Variants in MAML2 observed in about 807,000 individuals in gnomAD.
MAML2 encodes mastermind like transcriptional coactivator 2.
MAML2 carries 22 observed loss-of-function variants against 96.1 expected under a neutral mutation model. The observed-to-expected ratio is 0.23, with a 90% confidence interval of 0.16 to 0.33. The LOEUF (loss-of-function observed/expected upper bound fraction) is 0.33, where lower values mean the gene tolerates loss of function less well. Ranked by LOEUF, MAML2 falls within the 10% of genes least tolerant of loss-of-function variation. MAML2 has a pLI of 1.00. For missense variants in MAML2, 1,367 were observed against 1,392.4 expected (o/e 0.98, Z 0.29); for synonymous variants, 561 against 521.3 (o/e 1.08, Z -1.04).
At chr11:95,995,585 T>C (rs1275224736) in intron 2 of MAML2, among the ~76,000 whole-genome samples, 3 of 152,142 alleles carry the variant, frequency 2.0e-5, no homozygotes, top group Admixed American at 2.0e-4. Context: ...ACTTTAACTA[T>C]TATTATTTTG....
rs866495570 is a variant in MAML2, at chr11:96,287,999, C to T, written c.513+53384G>A. 5.8e-4 allele frequency among the ~76,000 whole-genome samples: 88 copies of T among 152,138 alleles called. 1 individual carries two copies. Among genetic ancestry groups the T allele is most frequent in the African/African-American group, 1.9e-3 (80 of 41,496 alleles). The stretch of plus-strand genomic sequence containing the variant: ...GCCCTACATAAACTCTGAGAGTAAG[C>T]GAAATGGTATCCTGATACACTTTCA... On this transcript the variant is annotated intron_variant, in intron 1 of 4. Coordinates refer to ENST00000524717, the MANE Select transcript of MAML2 (RefSeq NM_032427.4).
chr11:96,313,269 C>T lies in MAML2; in HGVS notation c.513+28114G>A, dbSNP rs142992366. 2.0e-4 allele frequency among the ~76,000 whole-genome samples: 30 copies of T among 152,248 alleles called. No homozygotes were observed. In the East Asian group the frequency reaches 4.4e-3, roughly 22 times the overall value. On this transcript the variant is annotated intron_variant, in intron 1 of 4. Coordinates refer to ENST00000524717, the MANE Select transcript of MAML2 (RefSeq NM_032427.4). ...CTAACTCTAAGAGGTTCACAAATCC[C>T]GAGGCATCGGCATCCACCTGAGCAG...
At chr11:95,995,191 G>C (rs1331369037) in intron 2 of MAML2, among the ~76,000 whole-genome samples, 1 of 152,220 alleles carries the variant, frequency 6.6e-6, no homozygotes, top group Non-Finnish European at 1.5e-5. Context: ...AAGCTGTTCT[G>C]TGTCAGGTCT....
intron 1 of MAML2, among the ~76,000 whole-genome samples, chr11:96,125,030 T>C (rs556823143): frequency 1.3e-5 from 2 of 152,272 alleles, no homozygotes; most frequent in Admixed American, 6.5e-5. Context: ...ATGAGAGTCA[T>C]TTTATTATTT....
chr11:96,137,493 T>C (rs1217529587), intron 1 of MAML2, among the ~76,000 whole-genome samples: 2 of 152,226 alleles, frequency 1.3e-5, no homozygotes, highest in Non-Finnish European at 2.9e-5. Flanking sequence ...CTTTAGCCTG[T>C]GCATTTTAAG....
rs1354578526 is a variant in MAML2, at chr11:95,992,698, A to C, written c.2140-975T>G. 2.6e-5 allele frequency among the ~76,000 whole-genome samples: 4 copies of C among 152,212 alleles called. No individual in the cohort carries two copies. The South Asian group carries it at 8.3e-4, about 32-fold the overall frequency. ...TTTACATGATATAAACACTAAGTCAAAAATTGTTATACTTTGATCAGAATG... is the reference window on the plus strand; with the variant it reads ...TTTACATGATATAAACACTAAGTCACAAATTGTTATACTTTGATCAGAATG... On this transcript the variant is annotated intron_variant, in intron 2 of 4. Coordinates refer to ENST00000524717, the MANE Select transcript of MAML2 (RefSeq NM_032427.4).
At chr11:96,192,949 C>T (rs1386280125) in intron 1 of MAML2, among the ~76,000 whole-genome samples, 1 of 152,192 alleles carries the variant, frequency 6.6e-6, no homozygotes, top group Non-Finnish European at 1.5e-5. Context: ...GAGCGTATGC[C>T]TTAAAATAAT....
chr11:96,081,734 A>T (rs1859532531), intron 2 of MAML2, among the ~76,000 whole-genome samples: 2 of 152,162 alleles, frequency 1.3e-5, no homozygotes, highest in Admixed American at 1.3e-4. Context: ...TGTATATCTC[A>T]TGGGTTATTT....
intron 2 of MAML2, among the ~76,000 whole-genome samples, chr11:96,044,114 A>C (rs1285702293): frequency 6.6e-6 from 1 of 152,212 alleles, no homozygotes; most frequent in East Asian, 1.9e-4. Flanking sequence ...TGTGTTGCTA[A>C]CCAAGGGACT....
intron 1 of MAML2, among the ~76,000 whole-genome samples, chr11:96,316,408 T>A (rs1863633972): frequency 6.6e-6 from 1 of 152,172 alleles, no homozygotes; most frequent in Non-Finnish European, 1.5e-5. Context: ...AAGAAGGGGC[T>A]AAGATACAGA....
intron 2 of MAML2, among the ~76,000 whole-genome samples, chr11:96,048,047 G>T (rs1183212307): frequency 3.3e-5 from 5 of 151,974 alleles, no homozygotes; most frequent in Non-Finnish European, 7.4e-5. Context: ...GGTGGTAGGT[G>T]GGGTAGTTTG....
intron 2 of MAML2, among the ~76,000 whole-genome samples, chr11:96,087,693 T>C (rs1859639757): frequency 6.6e-6 from 1 of 152,228 alleles, no homozygotes. Flanking sequence ...TTTAGGACTT[T>C]GGCTTGGTTT....
At chr11:96,144,604 CTTATTA>C (rs1448520824) in intron 1 of MAML2, among the ~76,000 whole-genome samples, 1 of 152,126 alleles carries the variant, frequency 6.6e-6, no homozygotes, top group Non-Finnish European at 1.5e-5. Context: ...GACCACTGGG[CTTATTA>C]TCTGATGAAT....
chr11:96,333,384 C>T (rs892589876), intron 1 of MAML2, among the ~76,000 whole-genome samples: 2 of 151,850 alleles, frequency 1.3e-5, no homozygotes, highest in African/African-American at 4.8e-5. Context: ...TTTTTGACTA[C>T]ATTCTTTGCT....
chr11:96,299,179 C>T (rs948129387), intron 1 of MAML2, among the ~76,000 whole-genome samples: 1 of 149,320 alleles, frequency 6.7e-6, no homozygotes, highest in African/African-American at 2.5e-5. Context: ...GGTTCAGTAT[C>T]TGCCCAAATT....
chr11:96,162,719 GA>G lies in MAML2; in HGVS notation c.514-69203del, dbSNP rs1298675054. Among the ~76,000 whole-genome samples the G allele has an allele frequency of 9.2e-4, 69 of 74,804 alleles. No homozygotes were observed. The South Asian group carries it at 0.016, about 18-fold the overall frequency. The allele number at this position is 74,804 out of a possible 152,430, so 49.1% of individuals were successfully genotyped here. Reference sequence around the variant, plus strand: ...AGAGTAAAACTCCGTCTCAAAAAAAGAAAAAAAAAAAAGGAAGTTAATAAAA... The same window carrying G: ...AGAGTAAAACTCCGTCTCAAAAAAAGAAAAAAAAAAAGGAAGTTAATAAAA... On this transcript the variant is annotated intron_variant, in intron 1 of 4. Transcript: ENST00000524717.
At chr11:96,245,279 C>T (rs1483764385) in intron 1 of MAML2, among the ~76,000 whole-genome samples, 4 of 131,408 alleles carry the variant, frequency 3.0e-5, no homozygotes, top group Admixed American at 8.2e-5. Flanking sequence ...CCACTTTTTT[C>T]GAGTGGAAAG....
At chr11:95,981,405 G>A (rs1857734767) in intron 4 of MAML2, among the ~76,000 whole-genome samples, 1 of 152,186 alleles carries the variant, frequency 6.6e-6, no homozygotes, top group African/African-American at 2.4e-5. Context: ...GATCAGGGAG[G>A]CCCAGAGAGT....
At chr11:96,184,608 T>TTTTTA (rs1861544335) in intron 1 of MAML2, among the ~76,000 whole-genome samples, 1 of 149,206 alleles carries the variant, frequency 6.7e-6, no homozygotes, top group African/African-American at 2.5e-5. Context: ...TTTTTTTTTT[T>TTTTTA]GAGATGAGTC....
Sources: allele counts gnomAD v4.1 joint callset (sites outside exome capture counted in the v4.1 genomes callset), GRCh38; gene constraint gnomAD v4.1.1; transcripts MANE v1.5; gene names NCBI Gene and HGNC (gene_info 2026-07-23, HGNC 2026-07-21).